CALN1: variants seen among roughly 807,000 people sequenced by gnomAD.
The protein encoded by CALN1 is calcium-binding protein 8.
Under a neutral mutation model 30.6 loss-of-function variants are expected in CALN1, and 17 were observed. That is an observed-to-expected ratio of 0.56 (90% CI 0.38 to 0.83). The LOEUF is 0.83. Ranked by LOEUF, CALN1 falls within the 40% of genes least tolerant of loss-of-function variation. CALN1 has a pLI of 0.00. For missense variants in CALN1, 291 were observed against 354.9 expected (o/e 0.82, Z 1.45); for synonymous variants, 156 against 131.4 (o/e 1.19, Z -1.28).
intron 5 of CALN1, among the ~76,000 whole-genome samples, chr7:71,973,231 A>C (rs935380309): frequency 1.3e-5 from 2 of 151,374 alleles, no homozygotes; most frequent in African/African-American, 4.9e-5. Flanking sequence ...GCTGGAGTGC[A>C]GTGGCACAAT....
intron 5 of CALN1, among the ~76,000 whole-genome samples, chr7:71,981,643 C>A (rs1000083394): frequency 7.9e-5 from 12 of 150,948 alleles, no homozygotes; most frequent in Non-Finnish European, 1.6e-4. Context: ...AGCGACAGAG[C>A]GAGACCCTGT....
chr7:71,867,009 G>T (rs1791623374), intron 5 of CALN1, among the ~76,000 whole-genome samples: 2 of 152,012 alleles, frequency 1.3e-5, no homozygotes, highest in Non-Finnish European at 2.9e-5. Context: ...GCCAGGGGTG[G>T]TGGTGCATGC....
chr7:71,928,856 G>A (rs1230116455), intron 5 of CALN1, among the ~76,000 whole-genome samples: 1 of 151,358 alleles, frequency 6.6e-6, no homozygotes, highest in East Asian at 1.9e-4. Context: ...GCGAAACCCC[G>A]CCTCTACTAA....
At chr7:72,066,757 A>C (rs1804048750) in intron 4 of CALN1, among the ~76,000 whole-genome samples, 1 of 151,520 alleles carries the variant, frequency 6.6e-6, no homozygotes, top group African/African-American at 2.4e-5. Context: ...GACTGCAGGC[A>C]TGCACCACCA....
intron 3 of CALN1, among the ~76,000 whole-genome samples, chr7:72,112,005 C>T (rs1313382911): frequency 1.3e-5 from 2 of 152,120 alleles, no homozygotes; most frequent in Non-Finnish European, 2.9e-5. Context: ...CCCCCCTCTG[C>T]TTCCCAAAGT....
At chr7:71,875,232 G>C (rs975163856) in intron 5 of CALN1, among the ~76,000 whole-genome samples, 1 of 148,858 alleles carries the variant, frequency 6.7e-6, no homozygotes, top group Non-Finnish European at 1.5e-5. Context: ...CACCAGCTGT[G>C]TCAGCAGATG....
At chr7:72,488,840 T>C in the CALN1 span, among the ~76,000 whole-genome samples, 1 of 152,134 alleles carries the variant, frequency 6.6e-6, no homozygotes, top group Admixed American at 6.6e-5. Flanking sequence ...CATAGCACCA[T>C]GCCCAGGTAA....
At chr7:72,149,336 C>T (rs113852095) in intron 3 of CALN1, among the ~76,000 whole-genome samples, 27,197 of 151,852 alleles carry the variant, frequency 0.18, 2,613 homozygotes, top group East Asian at 0.29. Flanking sequence ...GGCGTGGTGG[C>T]AGTCGCCTAT....
intron 5 of CALN1, among the ~76,000 whole-genome samples, chr7:71,882,381 C>T (rs907344496): frequency 6.6e-6 from 1 of 152,192 alleles, no homozygotes; most frequent in Non-Finnish European, 1.5e-5. Flanking sequence ...TTCTCAAGGC[C>T]TTTAATCACA....
At chr7:72,199,785 A>T (rs1279478743) in intron 3 of CALN1, among the ~76,000 whole-genome samples, 2 of 152,098 alleles carry the variant, frequency 1.3e-5, no homozygotes, top group African/African-American at 4.8e-5. Context: ...AGCTGCAGTG[A>T]GCTGTGATTG....
At chr7:71,858,130 A>G (rs1791059906) in intron 5 of CALN1, among the ~76,000 whole-genome samples, 1 of 152,156 alleles carries the variant, frequency 6.6e-6, no homozygotes, top group African/African-American at 2.4e-5. Context: ...TAATTAAATC[A>G]TGGGGGTGGT....
At chr7:72,415,782 G>A (rs958813672), upstream of CALN1, among the ~76,000 whole-genome samples, 1 of 152,148 alleles carries the variant, frequency 6.6e-6, no homozygotes, top group Non-Finnish European at 1.5e-5. Flanking sequence ...GCCCGTGAGG[G>A]TACGGGGGGC....
At chr7:72,388,758 C>G (rs1562940157) in intron 2 of CALN1, among the ~76,000 whole-genome samples, 1 of 152,152 alleles carries the variant, frequency 6.6e-6, no homozygotes, top group Non-Finnish European at 1.5e-5. Flanking sequence ...ACATACATGA[C>G]CACAGACACC....
intron 3 of CALN1, among the ~76,000 whole-genome samples, chr7:72,227,315 A>C (rs1261860323): frequency 6.6e-6 from 1 of 151,898 alleles, no homozygotes; most frequent in Admixed American, 6.6e-5. Context: ...CAAGGTAAGC[A>C]GATAACTAAA....
rs1213184568 is a variant in CALN1 at position 71,781,823 on chromosome 7, G to C, written c.*5952C>G. ...GTGCTCAACTGATGAACTACCCCAA[G>C]GTCAGGGTAGGGGCAGGTGGCCGGG... On this transcript the variant is annotated 3_prime_UTR_variant, in exon 7 of 7. Transcript: ENST00000395275. The C allele has an allele frequency of 6.6e-6, 1 of 152,230 alleles. No homozygotes were observed. Among genetic ancestry groups the C allele is most frequent in the African/African-American group, 2.4e-5 (1 of 41,450 alleles). The allele number at this position is 152,230 out of a possible 1,614,324, so 9.4% of individuals were successfully genotyped here. A position where few individuals can be genotyped will look rare whatever the true frequency, so the allele number is the denominator to read the frequency against.
the CALN1 span, among the ~76,000 whole-genome samples, chr7:72,469,763 A>G: frequency 2.0e-5 from 3 of 152,136 alleles, no homozygotes; most frequent in Non-Finnish European, 4.4e-5. Context: ...CCAGTACCAC[A>G]CTGTTTCGAT....
intron 3 of CALN1, 77 bp downstream of exon 3, chr7:72,278,609 T>G: frequency 6.4e-7 from 1 of 1,572,016 alleles, no homozygotes; most frequent in South Asian, 1.1e-5. Flanking sequence ...GTCCAGGGCT[T>G]TCAATTGAGC....
At chr7:72,030,166 T>A (rs1801341914) in intron 4 of CALN1, among the ~76,000 whole-genome samples, 1 of 152,242 alleles carries the variant, frequency 6.6e-6, no homozygotes, top group Non-Finnish European at 1.5e-5. Context: ...CACTTTGGTA[T>A]ATTTTGTCTT....
intron 5 of CALN1, among the ~76,000 whole-genome samples, chr7:71,930,503 C>T (rs1312550463): frequency 6.6e-6 from 1 of 152,156 alleles, no homozygotes; most frequent in East Asian, 1.9e-4. Context: ...TATATGCACC[C>T]CATGGTGTGA....
Sources: allele counts gnomAD v4.1 joint callset (sites outside exome capture counted in the v4.1 genomes callset), GRCh38; gene constraint gnomAD v4.1.1; transcripts MANE v1.5; gene names NCBI Gene and HGNC (gene_info 2026-07-23, HGNC 2026-07-21).